GPC5: variants seen among roughly 807,000 people sequenced by gnomAD.
GPC5 encodes glypican 5, also known as glypican-5.
GPC5 carries 47 observed loss-of-function variants against 53.9 expected under a neutral mutation model. The ratio of observed to expected loss-of-function variants is 0.87; its 90% confidence interval spans 0.69 to 1.11. GPC5 has a LOEUF of 1.11. Among genes scored for constraint, GPC5 ranks in the 50% most tolerant of loss-of-function variants. The pLI is 0.00. For synonymous variants in GPC5, 286 were observed against 263.3 expected, an observed-to-expected ratio of 1.09 and a Z score of -0.84; for missense variants, 748 against 713.1, an observed-to-expected ratio of 1.05 and a Z score of -0.56.
intron 4 of GPC5, among the ~76,000 whole-genome samples, chr13:91,736,996 C>G (rs1482721500): frequency 6.6e-6 from 1 of 151,054 alleles, no homozygotes. Context: ...CCCAGCTATT[C>G]GGGAGGCTGA....
chr13:91,471,165 T>C (rs1256724084), intron 2 of GPC5, among the ~76,000 whole-genome samples: 1 of 152,178 alleles, frequency 6.6e-6, no homozygotes, highest in Non-Finnish European at 1.5e-5. Flanking sequence ...CCTTTGGGTG[T>C]TGTGCAGAAG....
At chr13:91,566,907 AAATT>A (rs1207322280) in intron 2 of GPC5, among the ~76,000 whole-genome samples, 10 of 151,166 alleles carry the variant, frequency 6.6e-5, no homozygotes, top group Admixed American at 1.3e-4. Flanking sequence ...TTATATTACA[AAATT>A]AATTATTTTT....
rs531915151 is a variant in GPC5 at position 92,850,499 on chromosome 13, T to A, written c.1562-15783T>A. 2.6e-5 allele frequency among the ~76,000 whole-genome samples: 4 copies of A among 152,174 alleles called. No homozygotes were observed. The East Asian group carries it at 7.7e-4, about 29-fold the overall frequency. On this transcript the variant is annotated intron_variant, in intron 7 of 7. Transcript: ENST00000377067. Reference sequence around the variant, plus strand: ...CCTGTAGCACAGCTACTTGAGAGGCTGAGACAGGAGAATCGCTGGAACCCA... The same window carrying A: ...CCTGTAGCACAGCTACTTGAGAGGCAGAGACAGGAGAATCGCTGGAACCCA...
chr13:92,385,421 C>CATATATACATATATACATAT (rs1251343482), intron 7 of GPC5, among the ~76,000 whole-genome samples: 686 of 29,774 alleles, frequency 0.023, 34 homozygotes, highest in South Asian at 0.076. Context: ...CATATATATA[C>CATATATACATATATACATAT]ATATATACAT....
rs564458502 is a variant in GPC5, at chr13:92,658,493, C to T, written c.1562-207789C>T. On this transcript the variant is annotated intron_variant, in intron 7 of 7. Coordinates refer to ENST00000377067, the MANE Select transcript of GPC5 (RefSeq NM_004466.6). ...ACTGGACAGCACCACGTTTTGCCTC[C>T]CGTGTTTCCTCATCAGATTTTGCCA... 5.9e-5 allele frequency among the ~76,000 whole-genome samples: 9 copies of T among 152,274 alleles called. No individual in the cohort carries two copies. In the South Asian group the frequency reaches 8.3e-4, roughly 14 times the overall value.
intron 7 of GPC5, among the ~76,000 whole-genome samples, chr13:92,568,900 C>T (rs1376771570): frequency 6.6e-6 from 1 of 151,978 alleles, no homozygotes; most frequent in Non-Finnish European, 1.5e-5. Flanking sequence ...ATATTCTATA[C>T]TTTTCATAGG....
chr13:92,086,686 T>C lies in GPC5; in HGVS notation c.1402-58144T>C, dbSNP rs566024130. Among the ~76,000 whole-genome samples, 3 of 151,940 alleles carry C rather than the reference T, an allele frequency of 2.0e-5. No individual in the cohort carries two copies. The South Asian group carries it at 6.3e-4, about 32-fold the overall frequency. On this transcript the variant is annotated intron_variant, in intron 6 of 7. Coordinates refer to ENST00000377067, the MANE Select transcript of GPC5 (RefSeq NM_004466.6). ...TTTCTTTCTTTCTTTTGAGATGGAG[T>C]CTTGCTCTGTTCCCTAGGCTGGAGT...
At chr13:91,886,074 A>G (rs1276350673) in intron 5 of GPC5, among the ~76,000 whole-genome samples, 1 of 152,168 alleles carries the variant, frequency 6.6e-6, no homozygotes, top group Admixed American at 6.6e-5. Context: ...ACTGCTATAA[A>G]GAAATACCTG....
At chr13:92,625,490 GA>G (rs1885017709) in intron 7 of GPC5, among the ~76,000 whole-genome samples, 1 of 152,162 alleles carries the variant, frequency 6.6e-6, no homozygotes, top group African/African-American at 2.4e-5. Flanking sequence ...GTGAACTCAA[GA>G]AAGATGATAC....
chr13:92,109,504 G>A (rs140802642), intron 6 of GPC5, among the ~76,000 whole-genome samples: 185 of 152,062 alleles, frequency 1.2e-3, no homozygotes, highest in African/African-American at 4.4e-3. Context: ...CTTCCGTTAG[G>A]CTTTTAGTGA....
Position 92,772,387 on chromosome 13 carries a change from C to T in GPC5, c.1562-93895C>T, listed in dbSNP as rs1875647090. On this transcript the variant is annotated intron_variant, in intron 7 of 7. Transcript: ENST00000377067. ...TTGTTCCACCCAGTTGGCCTCCCTG[C>T]AGCTCTAAGGCCAAGCCAAACACTC... Among the ~76,000 whole-genome samples, 4 of 152,208 alleles carry T rather than the reference C, an allele frequency of 2.6e-5. No individual in the cohort carries two copies. In the South Asian group the frequency reaches 8.3e-4, roughly 32 times the overall value.
At chr13:91,429,745 T>C (rs1879299899) in intron 1 of GPC5, among the ~76,000 whole-genome samples, 2 of 152,170 alleles carry the variant, frequency 1.3e-5, no homozygotes, top group African/African-American at 4.8e-5. Flanking sequence ...CAAACACTTG[T>C]GGTAACTTTT....
At chr13:91,433,539 T>C (rs565865637) in intron 1 of GPC5, among the ~76,000 whole-genome samples, 3,425 of 152,286 alleles carry the variant, frequency 0.022, 48 homozygotes, top group South Asian at 0.027. Flanking sequence ...CTCATCATTT[T>C]TTATGGCTGC....
chr13:92,385,443 T>TACATATATACACATATAC (rs2043790820), intron 7 of GPC5, among the ~76,000 whole-genome samples: 1 of 111,834 alleles, frequency 8.9e-6, no homozygotes, highest in African/African-American at 3.5e-5. Flanking sequence ...TATACATATA[T>TACATATATACACATATAC]ACATATATAC....
intron 7 of GPC5, among the ~76,000 whole-genome samples, chr13:92,598,364 C>T (rs909333681): frequency 8.6e-5 from 13 of 151,946 alleles, no homozygotes; most frequent in African/African-American, 2.9e-4. Context: ...ACTAATTTTT[C>T]ATGTGTTTGG....
chr13:92,223,831 A>G (rs1015331668), intron 7 of GPC5, among the ~76,000 whole-genome samples: 2 of 152,204 alleles, frequency 1.3e-5, no homozygotes, highest in Non-Finnish European at 2.9e-5. Context: ...TTAAGTCAAC[A>G]AAATGTTTTG....
chr13:92,469,218 T>G (rs572979802), intron 7 of GPC5, among the ~76,000 whole-genome samples: 3 of 152,196 alleles, frequency 2.0e-5, no homozygotes, highest in East Asian at 3.9e-4. Flanking sequence ...TTTTTTTTCT[T>G]TTCTTTTTGA....
chr13:91,647,082 TG>T (rs2034577354), intron 2 of GPC5, among the ~76,000 whole-genome samples: 1 of 82,394 alleles, frequency 1.2e-5, no homozygotes, highest in Non-Finnish European at 2.2e-5. Context: ...TGTGTGTGTG[TG>T]TGTGTGTGTG....
At chr13:92,819,361 T>C (rs1355091622) in intron 7 of GPC5, among the ~76,000 whole-genome samples, 1 of 152,202 alleles carries the variant, frequency 6.6e-6, no homozygotes, top group Non-Finnish European at 1.5e-5. Context: ...CAGCCTGCTG[T>C]CAAAACGAAT....
Sources: allele counts gnomAD v4.1 joint callset (sites outside exome capture counted in the v4.1 genomes callset), GRCh38; gene constraint gnomAD v4.1.1; transcripts MANE v1.5; gene names NCBI Gene and HGNC (gene_info 2026-07-23, HGNC 2026-07-21).